Variants in CSMD1 observed in about 807,000 individuals in gnomAD.
CSMD1 encodes the protein CUB and Sushi multiple domains 1.
In CSMD1, 213 loss-of-function variants were observed where a neutral mutation model predicts 417.5. That is an observed-to-expected ratio of 0.51 (90% CI 0.46 to 0.57). The LOEUF (loss-of-function observed/expected upper bound fraction) is 0.57, where lower values mean the gene tolerates loss of function less well. Ranked by LOEUF, CSMD1 falls within the 20% of genes least tolerant of loss-of-function variation. The pLI is 0.00. For synonymous variants in CSMD1, 2,862 were observed against 1,736.8 expected (o/e 1.65, Z -16.11); for missense variants, 6,923 against 4,529.7 (o/e 1.53, Z -15.17).
intron 3 of CSMD1, among the ~76,000 whole-genome samples, chr8:4,063,621 G>T (rs56084653): frequency 0.15 from 23,499 of 152,156 alleles, 1,914 homozygotes; most frequent in Middle Eastern, 0.22. Context: ...CAGTTCAGCG[G>T]CTTCCAGCAG....
rs28550132 is a variant in CSMD1, at chr8:3,559,057, G to C, written c.1344+15888C>G. Among the ~76,000 whole-genome samples, 3 of 152,132 alleles carry C rather than the reference G, an allele frequency of 2.0e-5. No homozygotes were observed. In the East Asian group the frequency reaches 5.8e-4, roughly 29 times the overall value. ...TTGGTGACATGTAAAGGACCATGGA[G>C]AAGTGTTGAAGGATATTATGCTGAA... On this transcript the variant is annotated intron_variant, in intron 10 of 69. Coordinates refer to ENST00000635120, the MANE Select transcript of CSMD1 (RefSeq NM_033225.6).
chr8:4,844,772 C>A (rs1399568941), intron 1 of CSMD1, among the ~76,000 whole-genome samples: 2 of 152,162 alleles, frequency 1.3e-5, no homozygotes, highest in Non-Finnish European at 2.9e-5. Flanking sequence ...AATTAATTCT[C>A]CAGGCAAATT....
intron 5 of CSMD1, among the ~76,000 whole-genome samples, chr8:3,991,380 C>T (rs531746353): frequency 1.4e-4 from 22 of 152,280 alleles, no homozygotes; most frequent in African/African-American, 5.1e-4. Context: ...CAGTGCGTCA[C>T]GGTTGCATAT....
intron 3 of CSMD1, among the ~76,000 whole-genome samples, chr8:4,138,576 C>A (rs998904390): frequency 1.3e-5 from 2 of 151,958 alleles, no homozygotes; most frequent in African/African-American, 4.8e-5. Context: ...TGGATCAGAT[C>A]CTAGATTCTT....
chr8:3,058,562 T>C (rs1420612308), intron 49 of CSMD1, among the ~76,000 whole-genome samples: 2 of 152,152 alleles, frequency 1.3e-5, no homozygotes, highest in African/African-American at 2.4e-5. Context: ...CAGTTGTCGA[T>C]TTACCATGCA....
chr8:3,153,579 A>G (rs1819331242), intron 39 of CSMD1, among the ~76,000 whole-genome samples: 1 of 152,238 alleles, frequency 6.6e-6, no homozygotes. Context: ...TAAATGTGGT[A>G]TTACTAAAAA....
intron 3 of CSMD1, among the ~76,000 whole-genome samples, chr8:4,375,657 G>C (rs1466242346): frequency 4.6e-5 from 7 of 152,132 alleles, no homozygotes; most frequent in Admixed American, 1.3e-4. Context: ...GCTGGTGGAA[G>C]GATAAGGGAG....
At position 4,872,434 on chromosome 8, in the gene CSMD1, T is replaced by C. The variant is rs1466508389; in HGVS notation, c.85+121898A>G. ...ATAGCAGGTGAGTTCCTATGAAGTC[T>C]GACGGTTTTATAAGAGGATTCCTCC... is the stretch of plus-strand genomic sequence containing the variant. On this transcript the variant is annotated intron_variant, in intron 1 of 69. Coordinates refer to ENST00000635120, the MANE Select transcript of CSMD1 (RefSeq NM_033225.6). Among the ~76,000 whole-genome samples, 6 of 152,168 alleles carry C rather than the reference T, an allele frequency of 3.9e-5. No individual in the cohort carries two copies. The East Asian group carries it at 9.7e-4, about 25-fold the overall frequency.
chr8:3,967,937 G>A (rs188586947), intron 5 of CSMD1, among the ~76,000 whole-genome samples: 7 of 150,276 alleles, frequency 4.7e-5, no homozygotes, highest in Middle Eastern at 3.5e-3. Flanking sequence ...GGAGGCCGAG[G>A]TGTGCGGATC....
intron 11 of CSMD1, among the ~76,000 whole-genome samples, chr8:3,478,928 G>A (rs1435489613): frequency 1.3e-5 from 2 of 152,030 alleles, no homozygotes; most frequent in Non-Finnish European, 2.9e-5. Flanking sequence ...AGACACAGCG[G>A]TAGAGTGGGC....
intron 2 of CSMD1, among the ~76,000 whole-genome samples, chr8:4,623,175 G>A (rs746735936): frequency 4.5e-4 from 69 of 151,998 alleles, no homozygotes; most frequent in African/African-American, 5.6e-4. Context: ...GTGAAGATGC[G>A]CAAAATATTT....
chr8:3,646,099 C>T (rs926831009), intron 7 of CSMD1, among the ~76,000 whole-genome samples: 1 of 149,456 alleles, frequency 6.7e-6, no homozygotes, highest in African/African-American at 2.4e-5. Flanking sequence ...AAATAGAAAA[C>T]TCTTCAGCCG....
intron 12 of CSMD1, among the ~76,000 whole-genome samples, chr8:3,464,583 T>C (rs922476199): frequency 1.3e-5 from 2 of 149,780 alleles, no homozygotes; most frequent in African/African-American, 4.9e-5. Context: ...TTTATAAATA[T>C]ATAAATAAAT....
At position 2,950,263 on chromosome 8, in the gene CSMD1, A is replaced by G. The variant is rs761482256; in HGVS notation, c.10282T>C (p.Phe3428Leu). 3.7e-6 allele frequency: 6 copies of G among 1,612,940 alleles called. No homozygotes were observed. Among genetic ancestry groups the G allele is most frequent in the South Asian group, 3.3e-5 (3 of 91,076 alleles). Residue 3428 changes from phenylalanine to leucine, a missense_variant, in exon 67 of 70, where the codon TTC becomes CTC. By Grantham distance (22) the Phe-to-Leu change is conservative. Transcript: ENST00000635120. ...KGQADIFVSK[F>L]ENDNWGLDGY... ...TCTAGTCCCCAGTTGTCATTTTCGA[A>G]CTTGCTTACAAAAATATCTGCCTGG...
chr8:3,582,551 C>T (rs891875700), intron 9 of CSMD1, among the ~76,000 whole-genome samples: 2 of 152,120 alleles, frequency 1.3e-5, no homozygotes, highest in African/African-American at 4.8e-5. Context: ...GGAAGAAAAT[C>T]ATAACTGTAA....
At chr8:3,797,724 T>A (rs1800237349) in intron 5 of CSMD1, among the ~76,000 whole-genome samples, 1 of 151,984 alleles carries the variant, frequency 6.6e-6, no homozygotes, top group Non-Finnish European at 1.5e-5. Context: ...CTGCTATACA[T>A]ATTCTTATAC....
At chr8:4,455,424 G>A (rs555962693) in intron 2 of CSMD1, among the ~76,000 whole-genome samples, 2 of 152,148 alleles carry the variant, frequency 1.3e-5, no homozygotes, top group South Asian at 4.1e-4. Flanking sequence ...TCATTAGAAG[G>A]CAAATGATGG....
At chr8:4,389,769 T>C (rs558412242) in intron 3 of CSMD1, among the ~76,000 whole-genome samples, 3 of 152,204 alleles carry the variant, frequency 2.0e-5, no homozygotes, top group Non-Finnish European at 4.4e-5. Context: ...TGCTTCTTTA[T>C]TTTTGAAACC....
intron 1 of CSMD1, among the ~76,000 whole-genome samples, chr8:4,890,813 T>C (rs1804069688): frequency 2.0e-5 from 3 of 152,140 alleles, no homozygotes; most frequent in Non-Finnish European, 4.4e-5. Context: ...AAGGACGCTT[T>C]TGTCGACATT....
Sources: allele counts gnomAD v4.1 joint callset (sites outside exome capture counted in the v4.1 genomes callset), GRCh38; gene constraint gnomAD v4.1.1; transcripts MANE v1.5; gene names NCBI Gene and HGNC (gene_info 2026-07-23, HGNC 2026-07-21).